CEP128: variants seen among roughly 807,000 people sequenced by gnomAD.
The protein encoded by CEP128 is centrosomal protein 128kDa.
A neutral mutation model predicts 156.7 loss-of-function variants in CEP128; 132 were observed. The observed-to-expected ratio is 0.84, with a 90% confidence interval of 0.73 to 0.97. The LOEUF is 0.97. Ranked by LOEUF, CEP128 falls within the 50% of genes least tolerant of loss-of-function variation. The pLI is 0.00. For missense variants in CEP128, 1,252 were observed against 1,281.9 expected, an observed-to-expected ratio of 0.98 and a Z score of 0.36; for synonymous variants, 469 against 448.9, an observed-to-expected ratio of 1.04 and a Z score of -0.57.
intron 8 of CEP128, among the ~76,000 whole-genome samples, chr14:80,890,536 A>G (rs1889044253): frequency 1.3e-5 from 2 of 152,148 alleles, no homozygotes; most frequent in South Asian, 2.1e-4. Context: ...ACAGAAAACC[A>G]AACACCATAT....
intron 6 of CEP128, among the ~76,000 whole-genome samples, chr14:80,903,653 CG>C (rs763264681): frequency 1.0e-3 from 142 of 140,828 alleles, no homozygotes; most frequent in Middle Eastern, 7.3e-3. Context: ...AACTCAATAG[CG>C]AAAAAAAAAA....
chr14:80,656,291 TTATA>T (rs1159139132), intron 19 of CEP128, among the ~76,000 whole-genome samples: 533 of 25,428 alleles, frequency 0.021, 5 homozygotes, highest in Middle Eastern at 0.071. Flanking sequence ...ATATATATAT[TTATA>T]TATATATATA....
At chr14:80,709,720 C>A (rs1009551804) in intron 19 of CEP128, among the ~76,000 whole-genome samples, 1 of 152,130 alleles carries the variant, frequency 6.6e-6, no homozygotes, top group Non-Finnish European at 1.5e-5. Flanking sequence ...ATATCTTTCA[C>A]ATGTGTATTT....
At position 80,512,659 on chromosome 14, in the gene CEP128, T is replaced by C. The variant is rs1888313680; in HGVS notation, c.3073-7639A>G. On this transcript the variant is annotated intron_variant, in intron 23 of 24. Transcript: ENST00000555265. Reference sequence around the variant, plus strand: ...ATTTTATGTTTGTTTCCTGGTCTTCTTCTTCCTTTCTGTCTTCCTTTTTGT... The same window carrying C: ...ATTTTATGTTTGTTTCCTGGTCTTCCTCTTCCTTTCTGTCTTCCTTTTTGT... 2.0e-5 allele frequency among the ~76,000 whole-genome samples: 3 copies of C among 152,028 alleles called. No homozygotes were observed. In the South Asian group the frequency reaches 6.2e-4, roughly 31 times the overall value.
At chr14:80,737,258 G>T (rs1438575281) in intron 19 of CEP128, among the ~76,000 whole-genome samples, 3 of 152,018 alleles carry the variant, frequency 2.0e-5, no homozygotes, top group South Asian at 4.2e-4. Flanking sequence ...ACAAAAATTA[G>T]CCAGGCGTGG....
rs574103904 is a variant in CEP128 at position 80,906,428 on chromosome 14, T to C, written c.235-347A>G. On this transcript the variant is annotated intron_variant, in intron 4 of 24. Coordinates refer to ENST00000555265, the MANE Select transcript of CEP128 (RefSeq NM_152446.5). ...AGAAACATAACAAGGTCAACACAACTGAAAGAAGACAGAAAGCTTTCCTCC... is the reference window on the plus strand; with the variant it reads ...AGAAACATAACAAGGTCAACACAACCGAAAGAAGACAGAAAGCTTTCCTCC... Among the ~76,000 whole-genome samples, 3 of 152,234 alleles carry C rather than the reference T, an allele frequency of 2.0e-5. No individual in the cohort carries two copies. In the East Asian group the frequency reaches 5.8e-4, roughly 29 times the overall value.
At chr14:80,669,469 A>G (rs1393918460) in intron 19 of CEP128, among the ~76,000 whole-genome samples, 2 of 152,112 alleles carry the variant, frequency 1.3e-5, no homozygotes, top group Non-Finnish European at 2.9e-5. Flanking sequence ...CAACAGAAGA[A>G]AAAAAAACAG....
intron 13 of CEP128, among the ~76,000 whole-genome samples, chr14:80,802,389 G>A (rs1029307987): frequency 6.6e-6 from 1 of 152,112 alleles, no homozygotes; most frequent in Non-Finnish European, 1.5e-5. Context: ...CCTCTGCAGG[G>A]ATCTGGATGA....
chr14:80,867,067 T>C (rs1887801297), intron 8 of CEP128, among the ~76,000 whole-genome samples: 1 of 152,240 alleles, frequency 6.6e-6, no homozygotes, highest in African/African-American at 2.4e-5. Context: ...TTTCACATTT[T>C]CAATTAGAAG....
intron 14 of CEP128, among the ~76,000 whole-genome samples, chr14:80,791,818 T>G (rs146860761): frequency 6.6e-6 from 1 of 152,354 alleles, no homozygotes; most frequent in African/African-American, 2.4e-5. Context: ...ATCTTTTCCA[T>G]GACAGCTCAT....
intron 20 of CEP128, among the ~76,000 whole-genome samples, chr14:80,570,200 C>A (rs1418804877): frequency 6.6e-6 from 1 of 152,130 alleles, no homozygotes; most frequent in Non-Finnish European, 1.5e-5. Context: ...TCACTGCAAC[C>A]TCCGCCTCCT....
At chr14:80,938,306 G>T (rs1800068552) in intron 2 of CEP128, among the ~76,000 whole-genome samples, 2 of 146,796 alleles carry the variant, frequency 1.4e-5, no homozygotes, top group Admixed American at 7.1e-5. Flanking sequence ...GAGTGCAGTG[G>T]CGCGATCTCT....
chr14:80,930,096 G>C (rs1412242527), intron 2 of CEP128, among the ~76,000 whole-genome samples: 1 of 152,200 alleles, frequency 6.6e-6, no homozygotes, highest in Non-Finnish European at 1.5e-5. Context: ...TCTAGGTTGT[G>C]TGTTCCTTAT....
chr14:80,505,361 T>C (rs536806415), intron 23 of CEP128, among the ~76,000 whole-genome samples: 54 of 152,334 alleles, frequency 3.5e-4, no homozygotes, highest in African/African-American at 1.2e-3. Context: ...GTTACTCTTA[T>C]ACTATCTAGT....
chr14:80,757,111 A>C (rs1899706308), intron 17 of CEP128, among the ~76,000 whole-genome samples, 160 bp from the exon 18 acceptor site: 2 of 152,242 alleles, frequency 1.3e-5, no homozygotes, highest in Non-Finnish European at 2.9e-5. Flanking sequence ...CCAAACTAGC[A>C]TTCATTTATA....
rs140830792 is a variant in CEP128, at chr14:80,597,458, G to A, written c.2807-17035C>T. On this transcript the variant is annotated intron_variant, in intron 19 of 24. Coordinates refer to ENST00000555265, the MANE Select transcript of CEP128 (RefSeq NM_152446.5). ...AAACTTGCAGAACAAAAATCTCCAG[G>A]TCCAATGGTTTCACTAATAACTTTT... Among the ~76,000 whole-genome samples, 479 of 152,090 alleles carry A rather than the reference G, an allele frequency of 3.1e-3. 1 individual carries two copies. Among genetic ancestry groups the A allele is most frequent in the Non-Finnish European group, 5.4e-3 (366 of 67,990 alleles).
chr14:80,743,690 C>A (rs1224562307), intron 18 of CEP128, among the ~76,000 whole-genome samples: 1 of 152,090 alleles, frequency 6.6e-6, no homozygotes, highest in Non-Finnish European at 1.5e-5. Flanking sequence ...AGCATGACTT[C>A]TAAAAATGCA....
At chr14:80,768,602 C>T (rs1403628439) in intron 16 of CEP128, among the ~76,000 whole-genome samples, 5 of 152,066 alleles carry the variant, frequency 3.3e-5, no homozygotes, top group Non-Finnish European at 7.4e-5. Context: ...ATGCAAGAGC[C>T]TTAGTAAAAC....
intron 14 of CEP128, among the ~76,000 whole-genome samples, chr14:80,480,604 T>C (rs1450093344): frequency 1.3e-5 from 2 of 152,174 alleles, no homozygotes; most frequent in African/African-American, 2.4e-5. Flanking sequence ...TGACATGGCC[T>C]GGAGATATTT....
Sources: gnomAD v4.1 joint callset for allele counts (sites outside exome capture counted in the v4.1 genomes callset) on GRCh38, gnomAD v4.1.1 for gene constraint, MANE v1.5 for transcripts, NCBI Gene and HGNC (gene_info 2026-07-23, HGNC 2026-07-21) for gene names.